Variants in USP33 observed in about 807,000 individuals in gnomAD.
USP33 encodes the protein ubiquitin specific peptidase 33.
USP33 carries 46 observed loss-of-function variants against 124.2 expected under a neutral mutation model. The observed-to-expected ratio is 0.37, with a 90% CI of 0.29 to 0.47. USP33 has a LOEUF of 0.47. USP33 is among the 20% of genes least tolerant of loss of function. The pLI is 0.99. For missense variants in USP33, 851 were observed against 1,070.6 expected (o/e 0.79, Z 2.86); for synonymous variants, 350 against 352.3 (o/e 0.99, Z 0.07).
intron 19 of USP33, among the ~76,000 whole-genome samples, chr1:77,714,113 T>C (rs1430659386): frequency 6.6e-6 from 1 of 152,196 alleles, no homozygotes; most frequent in Admixed American, 6.5e-5. Flanking sequence ...AAAGTTATAT[T>C]TAATTATGAG....
At chr1:77,729,795 A>C in intron 9 of USP33, 65 bp downstream of exon 9, 1 of 1,540,574 alleles carries the variant, frequency 6.5e-7, no homozygotes. Context: ...AGACCCAAAA[A>C]AAACATAATG....
chr1:77,759,672 G>A lies in USP33; in HGVS notation c.-81C>T, dbSNP rs561261824. On this transcript the variant is annotated 5_prime_UTR_variant, in exon 1 of 24. Coordinates refer to ENST00000370794, the MANE Select transcript of USP33 (RefSeq NM_201624.3). ...ACGGCCTGGCCCGCGGGACCCGCCA[G>A]CTCGACCAACAACGGCCTGCAGCCG... The A allele has an allele frequency of 6.0e-5, 24 of 399,248 alleles. No individual in the cohort carries two copies. The highest frequency in any genetic ancestry group is 4.3e-4 in the African/African-American group (21 of 48,762). 24.7% of individuals were successfully genotyped at this position (399,248 alleles called of 1,614,324 possible). A position where few individuals can be genotyped will look rare whatever the true frequency, so the allele number is the denominator to read the frequency against.
intron 1 of USP33, among the ~76,000 whole-genome samples, chr1:77,756,020 T>C (rs1389661453): frequency 6.6e-6 from 1 of 152,226 alleles, no homozygotes; most frequent in African/African-American, 2.4e-5. Flanking sequence ...AAAACTAATT[T>C]GAAAGTCAGT....
intron 21 of USP33, among the ~76,000 whole-genome samples, chr1:77,703,423 A>G (rs1230478197): frequency 6.6e-6 from 1 of 152,126 alleles, no homozygotes; most frequent in African/African-American, 2.4e-5. Flanking sequence ...CAGGAGTTCG[A>G]GACCAGTCTG....
At chr1:77,726,727 A>C (rs1677203848) in intron 10 of USP33, among the ~76,000 whole-genome samples, 1 of 152,100 alleles carries the variant, frequency 6.6e-6, no homozygotes, top group African/African-American at 2.4e-5. Context: ...TTATTCTCCC[A>C]AACTAACATA....
At chr1:77,705,078 A>T in intron 21 of USP33, among the ~76,000 whole-genome samples, 1 of 143,112 alleles carries the variant, frequency 7.0e-6, no homozygotes. Context: ...ACCTATTTTT[A>T]TATTCCAGTG....
chr1:77,725,574 T>TA lies in USP33; in HGVS notation c.1276+47dup. On this transcript the variant is annotated intron_variant, in intron 11 of 23. Coordinates refer to ENST00000370794, the MANE Select transcript of USP33 (RefSeq NM_201624.3). ...TTATCAAGTACCAAAACCATCATTT[T>TA]AAACTAAGACCCAAAGCAAAAGAGA... 1.9e-6 allele frequency: 3 copies of TA among 1,579,634 alleles called. No homozygotes were observed. The South Asian group carries it at 3.5e-5, about 18-fold the overall frequency.
chr1:77,727,415 GATACCTGAC>G (rs1481957431), intron 10 of USP33, among the ~76,000 whole-genome samples: 1 of 152,132 alleles, frequency 6.6e-6, no homozygotes, highest in Non-Finnish European at 1.5e-5. Flanking sequence ...TTTCAATACT[GATACCTGAC>G]ATATTTATTC....
intron 22 of USP33, among the ~76,000 whole-genome samples, chr1:77,698,759 C>T (rs1432798613): frequency 1.3e-5 from 2 of 151,880 alleles, no homozygotes; most frequent in African/African-American, 4.8e-5. Context: ...CTCGGCCTCC[C>T]AAAGTGCTGG....
rs189548461 is a variant in USP33, at chr1:77,698,620, C to A, written c.2510-689G>T. ...GGTTCATGCCATTCTCCTGCCTCAG[C>A]CTCCCGAGTAGCTGGGACTACAGGC... On this transcript the variant is annotated intron_variant, in intron 22 of 23. Coordinates refer to ENST00000370794, the MANE Select transcript of USP33 (RefSeq NM_201624.3). Among the ~76,000 whole-genome samples the A allele has an allele frequency of 4.9e-4, 74 of 151,738 alleles. No individual in the cohort carries two copies. In the East Asian group the frequency reaches 0.014, roughly 28 times the overall value.
intron 21 of USP33, among the ~76,000 whole-genome samples, chr1:77,708,061 T>A (rs901682470): frequency 6.6e-6 from 1 of 152,246 alleles, no homozygotes; most frequent in Non-Finnish European, 1.5e-5. Context: ...CAGGAGCTAG[T>A]TGTATTACAT....
intron 1 of USP33, among the ~76,000 whole-genome samples, chr1:77,752,657 C>T (rs1680443800): frequency 6.6e-6 from 1 of 152,152 alleles, no homozygotes; most frequent in Non-Finnish European, 1.5e-5. Flanking sequence ...TCTTCACTAG[C>T]AGGTGTCAGA....
chr1:77,707,387 G>GT (rs1674749192), intron 21 of USP33, among the ~76,000 whole-genome samples: 1 of 152,040 alleles, frequency 6.6e-6, no homozygotes, highest in Admixed American at 6.5e-5. Context: ...TCTTCTCTGC[G>GT]TATCTCTCTG....
chr1:77,741,802 A>G, intron 1 of USP33, 54 bp from the exon 2 acceptor site: 1 of 1,451,038 alleles, frequency 6.9e-7, no homozygotes. Context: ...CAATGCCTGC[A>G]AAGATTCCAA....
chr1:77,726,787 T>A (rs1301919635), intron 10 of USP33, among the ~76,000 whole-genome samples: 1 of 152,196 alleles, frequency 6.6e-6, no homozygotes, highest in Non-Finnish European at 1.5e-5. Flanking sequence ...AGTTATTTTA[T>A]CTTACTATAA....
chr1:77,729,368 T>C (rs1470465144), intron 9 of USP33, among the ~76,000 whole-genome samples: 6 of 141,806 alleles, frequency 4.2e-5, no homozygotes, highest in African/African-American at 1.6e-4. Flanking sequence ...ATTATCTCTC[T>C]TAAAAAAAAA....
intron 1 of USP33, among the ~76,000 whole-genome samples, chr1:77,746,232 G>A (rs1191839724): frequency 4.6e-5 from 7 of 152,028 alleles, no homozygotes; most frequent in South Asian, 2.1e-4. Flanking sequence ...TACAGACTAC[G>A]ATCAGAGAAT....
intron 17 of USP33, chr1:77,717,643 T>C (rs774156862): frequency 3.3e-6 from 1 of 302,384 alleles, no homozygotes; most frequent in Non-Finnish European, 5.9e-6. Flanking sequence ...TTTTCTTTTA[T>C]TCAGATATTA....
chr1:77,757,138 C>T (rs1439994997), intron 1 of USP33, among the ~76,000 whole-genome samples: 1 of 152,202 alleles, frequency 6.6e-6, no homozygotes, highest in African/African-American at 2.4e-5. Flanking sequence ...AAAGCTCACT[C>T]ATCTCAAATA....
Sources: gnomAD v4.1 joint callset for allele counts (sites outside exome capture counted in the v4.1 genomes callset) on GRCh38, gnomAD v4.1.1 for gene constraint, MANE v1.5 for transcripts, NCBI Gene and HGNC (gene_info 2026-07-23, HGNC 2026-07-21) for gene names.